Variants in LRP1B observed in about 807,000 individuals in gnomAD.
LRP1B encodes LDL receptor related protein 1B.
In LRP1B, 217 loss-of-function variants were observed where a neutral mutation model predicts 556.6. That is an observed-to-expected ratio of 0.39 (90% CI 0.35 to 0.44). LRP1B has a LOEUF of 0.44. Among genes scored for constraint, LRP1B ranks in the 20% least tolerant of loss-of-function variants. The pLI is 1.00. For missense variants in LRP1B, 5,053 were observed against 5,620.8 expected (o/e 0.90, Z 3.23); for synonymous variants, 2,047 against 1,865.8 (o/e 1.10, Z -2.50).
At chr2:141,751,796 G>C (rs895621368) in intron 2 of LRP1B, among the ~76,000 whole-genome samples, 4 of 149,386 alleles carry the variant, frequency 2.7e-5, no homozygotes, top group East Asian at 1.9e-4. Context: ...ATCTAAGCAT[G>C]GTATTTTCAT....
chr2:140,915,848 GA>G (rs1024253497), intron 21 of LRP1B, among the ~76,000 whole-genome samples: 8 of 151,914 alleles, frequency 5.3e-5, no homozygotes, highest in Admixed American at 2.0e-4. Flanking sequence ...GGAACATGGT[GA>G]AACCCCGTCT....
chr2:140,421,774 G>T (rs1213027457), intron 66 of LRP1B, among the ~76,000 whole-genome samples: 2 of 152,118 alleles, frequency 1.3e-5, no homozygotes, highest in African/African-American at 4.8e-5. Flanking sequence ...TGCAAATGAA[G>T]AAACAGTGAA....
intron 1 of LRP1B, among the ~76,000 whole-genome samples, chr2:142,021,083 T>G (rs1703314192): frequency 6.6e-6 from 1 of 152,188 alleles, no homozygotes; most frequent in African/African-American, 2.4e-5. Context: ...TAAAACAAAC[T>G]TCTGACAATG....
intron 1 of LRP1B, among the ~76,000 whole-genome samples, chr2:141,834,223 A>T (rs558214437): frequency 6.6e-6 from 1 of 151,912 alleles, no homozygotes; most frequent in Non-Finnish European, 1.5e-5. Context: ...GTTTAAAACA[A>T]TGTTTTAAAG....
chr2:140,415,331 G>A (rs1322237879), intron 66 of LRP1B, among the ~76,000 whole-genome samples: 1 of 152,046 alleles, frequency 6.6e-6, no homozygotes, highest in Non-Finnish European at 1.5e-5. Flanking sequence ...CGTGATCTTT[G>A]TTAGACCCTT....
chr2:140,927,493 C>T (rs1694920437), intron 20 of LRP1B, among the ~76,000 whole-genome samples: 1 of 151,750 alleles, frequency 6.6e-6, no homozygotes, highest in Non-Finnish European at 1.5e-5. Context: ...TATAAAAACT[C>T]AAGAAGAAAA....
At chr2:141,826,894 T>G (rs1308230978) in intron 1 of LRP1B, among the ~76,000 whole-genome samples, 1 of 152,202 alleles carries the variant, frequency 6.6e-6, no homozygotes, top group Non-Finnish European at 1.5e-5. Context: ...TTTTTTAAAA[T>G]CTTTATCAGT....
chr2:141,183,804 C>A (rs1337100671), intron 7 of LRP1B, among the ~76,000 whole-genome samples: 1 of 151,934 alleles, frequency 6.6e-6, no homozygotes, highest in Non-Finnish European at 1.5e-5. Context: ...CAATGGTACC[C>A]CAAGTTCCCC....
At chr2:140,886,438 A>C in intron 23 of LRP1B, 103 bp from the exon 24 acceptor site, 1 of 658,238 alleles carries the variant, frequency 1.5e-6, no homozygotes, top group Non-Finnish European at 2.4e-6. Context: ...TTATTACATA[A>C]TTCTCTGTCT....
chr2:142,055,524 G>C (rs1704637187), intron 1 of LRP1B, among the ~76,000 whole-genome samples: 1 of 152,136 alleles, frequency 6.6e-6, no homozygotes. Flanking sequence ...CACCCGTATA[G>C]ACATTTGAGC....
chr2:140,939,160 C>T (rs962373982), intron 20 of LRP1B, among the ~76,000 whole-genome samples: 4 of 151,912 alleles, frequency 2.6e-5, no homozygotes, highest in Admixed American at 6.6e-5. Context: ...ATTTTCTGTC[C>T]AAGAAATACT....
At chr2:141,117,058 T>C (rs994429628) in intron 7 of LRP1B, among the ~76,000 whole-genome samples, 15 of 152,100 alleles carry the variant, frequency 9.9e-5, no homozygotes, top group African/African-American at 3.6e-4. Flanking sequence ...TCTAGATGTA[T>C]TAATAACGAT....
chr2:141,301,671 G>A (rs1358110315), intron 3 of LRP1B, among the ~76,000 whole-genome samples: 1 of 152,132 alleles, frequency 6.6e-6, no homozygotes, highest in African/African-American at 2.4e-5. Context: ...ACCTGTAATA[G>A]CTCATTTCCT....
chr2:141,524,313 T>C (rs1684623951), intron 2 of LRP1B, among the ~76,000 whole-genome samples: 1 of 151,598 alleles, frequency 6.6e-6, no homozygotes, highest in African/African-American at 2.4e-5. Context: ...TTATGTTGCC[T>C]TTCTTAAGTG....
At chr2:142,088,231 G>T (rs1706017898) in intron 1 of LRP1B, among the ~76,000 whole-genome samples, 1 of 152,074 alleles carries the variant, frequency 6.6e-6, no homozygotes, top group African/African-American at 2.4e-5. Flanking sequence ...AGAAGATAAG[G>T]ATAGGGTCCC....
At chr2:142,076,072 C>T (rs571522192) in intron 1 of LRP1B, among the ~76,000 whole-genome samples, 13 of 152,178 alleles carry the variant, frequency 8.5e-5, no homozygotes, top group African/African-American at 2.2e-4. Context: ...TTTCCCAGCT[C>T]GGACATAAAG....
intron 35 of LRP1B, among the ~76,000 whole-genome samples, chr2:140,761,825 G>A (rs188295743): frequency 0.032 from 4,803 of 152,200 alleles, 249 homozygotes; most frequent in African/African-American, 0.11. Context: ...ACCAATAGAA[G>A]CTATGACATT....
chr2:141,888,036 G>A (rs1699178672), intron 1 of LRP1B, among the ~76,000 whole-genome samples: 1 of 152,084 alleles, frequency 6.6e-6, no homozygotes, highest in African/African-American at 2.4e-5. Flanking sequence ...ATCATAAATT[G>A]CAAATTTAGT....
At chr2:140,655,702 G>T (rs6754739) in intron 41 of LRP1B, among the ~76,000 whole-genome samples, 6 of 152,276 alleles carry the variant, frequency 3.9e-5, no homozygotes, top group Admixed American at 1.3e-4. Context: ...CAGCACTTTG[G>T]GGGGCCGAGG....
Sources: gnomAD v4.1 joint callset for allele counts (sites outside exome capture counted in the v4.1 genomes callset) on GRCh38, gnomAD v4.1.1 for gene constraint, MANE v1.5 for transcripts, NCBI Gene and HGNC (gene_info 2026-07-23, HGNC 2026-07-21) for gene names.